INTS6: variants seen among roughly 807,000 people sequenced by gnomAD.
INTS6 encodes DEAD box protein.
In INTS6, 16 loss-of-function variants were observed where a neutral mutation model predicts 104.9. That is an observed-to-expected ratio of 0.15 (90% CI 0.10 to 0.23). INTS6 has a LOEUF of 0.23. INTS6 is among the 10% of genes least tolerant of loss of function. The pLI is 1.00. For synonymous variants in INTS6, 324 were observed against 358.7 expected (o/e 0.90, Z 1.09); for missense variants, 584 against 1,062.8 (o/e 0.55, Z 6.26).
intron 7 of INTS6, chr13:51,385,000 AG>A: frequency 4.8e-6 from 1 of 209,108 alleles, no homozygotes; most frequent in South Asian, 7.3e-5. Context: ...TAAAAGTAAC[AG>A]CCAATCACCT....
the INTS6 span, chr13:51,339,479 G>A: frequency 6.6e-6 from 1 of 152,458 alleles, no homozygotes; most frequent in Non-Finnish European, 1.5e-5. Flanking sequence ...TCCCCCCACG[G>A]CCCTGCTCTG....
intron 15 of INTS6, among the ~76,000 whole-genome samples, chr13:51,373,330 C>T (rs922796909): frequency 6.6e-6 from 1 of 151,944 alleles, no homozygotes; most frequent in Admixed American, 6.6e-5. Context: ...TTGATAAGTC[C>T]ATTAATTCAT....
chr13:51,448,751 G>A (rs1005124163), intron 3 of INTS6: 7 of 151,966 alleles, frequency 4.6e-5, no homozygotes, highest in East Asian at 1.9e-4. Context: ...AAATATATAC[G>A]TTCTATCTTC....
intron 4 of INTS6, chr13:51,422,941 TTACTC>T (rs1734038515): frequency 1.7e-6 from 1 of 592,628 alleles, no homozygotes; most frequent in Non-Finnish European, 2.5e-6. Flanking sequence ...CCTCAAAACT[TTACTC>T]CTTTCTTTAC....
the INTS6 span, chr13:51,340,819 A>C: frequency 1.9e-6 from 1 of 538,658 alleles, no homozygotes; most frequent in Non-Finnish European, 3.3e-6. Context: ...TAAGTGGCCG[A>C]AGCAGATCTT....
chr13:51,450,030 C>A, intron 3 of INTS6: 1 of 985,204 alleles, frequency 1.0e-6, no homozygotes, highest in African/African-American at 1.7e-5. Context: ...AGTCAATTTC[C>A]TTCAATAGGA....
intron 3 of INTS6, among the ~76,000 whole-genome samples, chr13:51,431,294 G>A (rs1380958226): frequency 2.0e-5 from 3 of 152,116 alleles, no homozygotes; most frequent in African/African-American, 7.2e-5. Context: ...TGCCACTAAT[G>A]GTACCAAGAA....
downstream of INTS6, among the ~76,000 whole-genome samples, chr13:51,360,920 T>C (rs2137826092): frequency 6.6e-6 from 1 of 152,154 alleles, no homozygotes; most frequent in Non-Finnish European, 1.5e-5. Flanking sequence ...CACTGAAGTT[T>C]AGGAAATACT....
At chr13:51,385,827 C>T (rs1029431916) in intron 7 of INTS6, among the ~76,000 whole-genome samples, 2 of 152,130 alleles carry the variant, frequency 1.3e-5, no homozygotes, top group African/African-American at 4.8e-5. Flanking sequence ...AAATCTCTTA[C>T]GTGAACCATA....
intron 3 of INTS6, chr13:51,443,485 T>A (rs1021435707): frequency 7.2e-5 from 11 of 152,300 alleles, no homozygotes; most frequent in African/African-American, 2.6e-4. Flanking sequence ...AATTTAGTAT[T>A]TTGTTTAAAG....
intron 3 of INTS6, chr13:51,448,429 G>A (rs1952968142): frequency 1.3e-5 from 2 of 152,104 alleles, no homozygotes. Context: ...ATTTTTTAGT[G>A]GGATACCCAA....
chr13:51,345,592 C>CAAAA, the INTS6 span, among the ~76,000 whole-genome samples: 25 of 36,966 alleles, frequency 6.8e-4, no homozygotes, highest in South Asian at 1.2e-3. Flanking sequence ...GATTTCATCT[C>CAAAA]AAAAAAAAAA....
intron 15 of INTS6, among the ~76,000 whole-genome samples, chr13:51,371,834 G>C (rs181275207): frequency 1.3e-4 from 20 of 152,110 alleles, no homozygotes; most frequent in African/African-American, 4.8e-4. Context: ...CATGATTAAG[G>C]GACTTCCTTT....
At chr13:51,449,640 AAT>A in intron 3 of INTS6, 1 of 985,104 alleles carries the variant, frequency 1.0e-6, no homozygotes, top group Non-Finnish European at 1.2e-6. Flanking sequence ...GCAAGTTTTA[AAT>A]ATCTCTTTGA....
At chr13:51,450,779 A>G in intron 3 of INTS6, 1 of 1,121,808 alleles carries the variant, frequency 8.9e-7, no homozygotes, top group Non-Finnish European at 1.1e-6. Context: ...AAACCAATGT[A>G]TGTCAACTTT....
rs367627432 is a variant in INTS6, at chr13:51,371,807, C to T, written c.2104+2401G>A. 9.1e-4 allele frequency among the ~76,000 whole-genome samples: 138 copies of T among 152,196 alleles called. 1 individual carries two copies. The highest frequency in any genetic ancestry group is 6.0e-3 in the South Asian group (29 of 4,812). On this transcript the variant is annotated intron_variant, in intron 15 of 17. Transcript: ENST00000311234. Reference sequence around the variant, plus strand: ...ACTTCACCTTCTACCTCACAGAGCTCGGAAGAAAAGCAAAGCCATGATTAA... The same window carrying T: ...ACTTCACCTTCTACCTCACAGAGCTTGGAAGAAAAGCAAAGCCATGATTAA...
chr13:51,371,935 A>G (rs1163982817), intron 15 of INTS6, among the ~76,000 whole-genome samples: 1 of 152,098 alleles, frequency 6.6e-6, no homozygotes, highest in African/African-American at 2.4e-5. Flanking sequence ...TATGCTCTAG[A>G]CCATTCCCTC....
In INTS6 at chr13:51,452,676, G is replaced by T; in HGVS notation, c.-151C>A. The T allele has an allele frequency of 7.1e-7, 1 of 1,414,552 alleles. No homozygotes were observed. The highest frequency in any genetic ancestry group is 3.1e-5 in the East Asian group (1 of 32,190). The allele number at this position is 1,414,552 out of a possible 1,614,324, so 87.6% of individuals were successfully genotyped here. ...TGTCTGGGTCTTTCCTCCGGCTGCG[G>T]GGAGTTTCTCCCCCGATAGTTGAGA... On this transcript the variant is annotated 5_prime_UTR_variant, in exon 1 of 18. Transcript: ENST00000311234. The surrounding 1 kb of genome is among the most constrained non-coding windows in gnomAD (Gnocchi z 4.2).
downstream of INTS6, among the ~76,000 whole-genome samples, chr13:51,352,668 C>A (rs1955417524): frequency 6.6e-6 from 1 of 151,972 alleles, no homozygotes; most frequent in Non-Finnish European, 1.5e-5. Context: ...TGTTCCTGAT[C>A]TTAGGGGGAA....
Sources: allele counts gnomAD v4.1 joint callset (sites outside exome capture counted in the v4.1 genomes callset), GRCh38; gene constraint gnomAD v4.1.1; non-coding constraint Gnocchi (gnomAD v3.1); transcripts MANE v1.5; gene names NCBI Gene and HGNC (gene_info 2026-07-23, HGNC 2026-07-21).